The following PIGV variants were observed in gnomAD, a reference collection of about 807,000 sequenced individuals.
The protein encoded by PIGV is GPI alpha-1,6-mannosyltransferase 2.
A neutral mutation model predicts 39.2 loss-of-function variants in PIGV; 27 were observed. The observed-to-expected ratio is 0.69, with a 90% CI of 0.51 to 0.95. The LOEUF (loss-of-function observed/expected upper bound fraction) is 0.95. Among genes scored for constraint, PIGV ranks in the 40% least tolerant of loss-of-function variants. The pLI is 0.00. For synonymous variants in PIGV, 232 were observed against 241.7 expected (o/e 0.96, Z 0.37); for missense variants, 523 against 586.4 (o/e 0.89, Z 1.12).
Position 26,794,321 on chromosome 1 carries a change from T to C in PIGV, c.287T>C (p.Leu96Pro), listed in dbSNP as rs1056953594. The C allele has an allele frequency of 6.2e-7, 1 of 1,614,064 alleles. No individual in the cohort carries two copies. Among genetic ancestry groups the C allele is most frequent in the African/African-American group, 1.3e-5 (1 of 74,942 alleles). The stretch of plus-strand genomic sequence containing the variant: ...TTTCCTGGTTTCCCCTTGGCCCTGC[T>C]GGTGGGGACTGAACTGTTGAGACCC... ...AFFPGFPLAL[L>P]VGTELLRPLR... is the part of the protein sequence containing the mutation. The change falls in exon 3 of 4, where the codon CTG becomes CCG. Residue 96 changes from leucine to proline, a missense_variant. Leu to Pro is a moderately conservative substitution (Grantham distance 98). Transcript: ENST00000674202.
intron 2 of PIGV, 94 bp from the exon 3 acceptor site, chr1:26,794,019 A>C: frequency 8.2e-7 from 1 of 1,215,752 alleles, no homozygotes; most frequent in Admixed American, 1.8e-5. Context: ...TGGGGATTAC[A>C]GGCATGAGCC....
rs2081436328 is a variant in PIGV, at chr1:26,800,425, A to G, written c.*2581A>G. Among the ~76,000 whole-genome samples, 1 of 152,204 alleles carries G rather than the reference A, an allele frequency of 6.6e-6. No individual in the cohort carries two copies. The highest frequency in any genetic ancestry group is 1.5e-5 in the Non-Finnish European group (1 of 68,040). ...TGCTAAAACAGAAACCAGACGCCTC[A>G]GCCTCACGTACCTAGAAGTAGATGC... On this transcript the variant is annotated 3_prime_UTR_variant, in exon 4 of 4. Coordinates refer to ENST00000674202, the MANE Select transcript of PIGV (RefSeq NM_017837.4).
Position 26,797,811 on chromosome 1 carries a change from A to G in PIGV, c.1449A>G (p.Leu483=), listed in dbSNP as rs2081405349. The change falls in exon 4 of 4, where the codon CTA becomes CTG. Residue 483 remains leucine, a synonymous_variant. Coordinates refer to ENST00000674202, the MANE Select transcript of PIGV (RefSeq NM_017837.4). ...GYFLTYWLLG[L]LLHCNFLPWT The stretch of plus-strand genomic sequence containing the variant: ...TCCTGACTTACTGGCTCCTGGGACT[A>G]CTCCTACATTGCAACTTCCTGCCTT... 1.9e-6 allele frequency: 3 copies of G among 1,613,848 alleles called. No individual in the cohort carries two copies. Among genetic ancestry groups the G allele is most frequent in the Non-Finnish European group, 2.5e-6 (3 of 1,180,000 alleles).
In PIGV at chr1:26,800,432, C is replaced by T. The variant is rs1474806928; in HGVS notation, c.*2588C>T. On this transcript the variant is annotated 3_prime_UTR_variant, in exon 4 of 4. Transcript: ENST00000674202. ...ACAGAAACCAGACGCCTCAGCCTCA[C>T]GTACCTAGAAGTAGATGCTTTTTTT... is the stretch of plus-strand genomic sequence containing the variant. Among the ~76,000 whole-genome samples, 1 of 152,166 alleles carries T rather than the reference C, an allele frequency of 6.6e-6. No homozygotes were observed. The highest frequency in any genetic ancestry group is 2.4e-5 in the African/African-American group (1 of 41,426).
intron 2 of PIGV, among the ~76,000 whole-genome samples, chr1:26,791,703 ACT>A (rs1291351349): frequency 1.3e-5 from 2 of 151,976 alleles, no homozygotes; most frequent in Non-Finnish European, 2.9e-5. Flanking sequence ...GGCATGGCAG[ACT>A]CTGCTGGGTT....
In PIGV at chr1:26,794,856, G is replaced by A. The variant is rs2081360233; in HGVS notation, c.822G>A (p.Glu274=). The change falls in exon 3 of 4, where the codon GAG becomes GAA. Residue 274 remains glutamate (E), a synonymous_variant. Coordinates refer to ENST00000674202, the MANE Select transcript of PIGV (RefSeq NM_017837.4). ...CAGGCTCAGCCCGCCCCATTCCTGA[G>A]CCTTTGGTACAGTTAGCTGTAGACA... ...CLPGSARPIP[E]PLVQLAVDKG... 6.2e-7 allele frequency: 1 copy of A among 1,614,046 alleles called. No homozygotes were observed. Among genetic ancestry groups the A allele is most frequent in the Non-Finnish European group, 8.5e-7 (1 of 1,180,030 alleles).
Position 26,794,340 on chromosome 1 carries a change from G to C in PIGV, c.306G>C (p.Leu102Phe). The C allele has an allele frequency of 6.2e-7, 1 of 1,614,062 alleles. No homozygotes were observed. The highest frequency in any genetic ancestry group is 2.2e-5 in the East Asian group (1 of 44,888). ...PLALLVGTEL[L>F]RPLRGLLSLR... is the part of the protein sequence containing the mutation. ...CCCTGCTGGTGGGGACTGAACTGTTGAGACCCTTACGGGGGTTACTGAGTC... is the reference window on the plus strand; with the variant it reads ...CCCTGCTGGTGGGGACTGAACTGTTCAGACCCTTACGGGGGTTACTGAGTC... The change falls in exon 3 of 4, where the codon TTG becomes TTC. Residue 102 changes from leucine to phenylalanine, a missense_variant. Physicochemically the swap from Leu to Phe is conservative, Grantham distance 22. Coordinates refer to ENST00000674202, the MANE Select transcript of PIGV (RefSeq NM_017837.4).
rs1377555874 is a variant in PIGV at position 26,790,812 on chromosome 1, A to G, written c.-4A>G. ...AACACCCCTGAATTCCTGGTGGTGA[A>G]AGGATGTGGCCCCAGGACCCATCCC... On this transcript the variant is annotated 5_prime_UTR_variant, in exon 2 of 4. Coordinates refer to ENST00000674202, the MANE Select transcript of PIGV (RefSeq NM_017837.4). 3.1e-6 allele frequency: 5 copies of G among 1,613,458 alleles called. No individual in the cohort carries two copies. The highest frequency in any genetic ancestry group is 4.2e-6 in the Non-Finnish European group (5 of 1,179,402).
At chr1:26,793,726 C>T (rs909578433) in intron 2 of PIGV, among the ~76,000 whole-genome samples, 3 of 152,178 alleles carry the variant, frequency 2.0e-5, no homozygotes, top group African/African-American at 7.2e-5. Flanking sequence ...CTCAGCCCCC[C>T]CAAGTAGCTG....
intron 3 of PIGV, among the ~76,000 whole-genome samples, chr1:26,796,968 A>G (rs1327551040): frequency 6.6e-6 from 1 of 152,220 alleles, no homozygotes; most frequent in Non-Finnish European, 1.5e-5. Context: ...TTGGAGTTGC[A>G]CATTGGCTGT....
At chr1:26,795,277 A>G in intron 3 of PIGV, 43 bp downstream of exon 3, 1 of 1,610,046 alleles carries the variant, frequency 6.2e-7, no homozygotes, top group African/African-American at 1.3e-5. Context: ...GAATACAGGC[A>G]AAACCCCTTG....
In PIGV at chr1:26,798,465, C is replaced by T. The variant is rs1014717881; in HGVS notation, c.*621C>T. 1 of 154,246 alleles carries T rather than the reference C, an allele frequency of 6.5e-6. No individual in the cohort carries two copies. Among genetic ancestry groups the T allele is most frequent in the East Asian group, 1.9e-4 (1 of 5,222 alleles). 9.6% of individuals were successfully genotyped at this position (154,246 alleles called of 1,614,324 possible). A position where few individuals can be genotyped will look rare whatever the true frequency, so the allele number is the denominator to read the frequency against. ...GACGTTTCACACTGTAATCCCAGCA[C>T]TTTGTGATGCCGAGGTGGGCAGATC... On this transcript the variant is annotated 3_prime_UTR_variant, in exon 4 of 4. Coordinates refer to ENST00000674202, the MANE Select transcript of PIGV (RefSeq NM_017837.4).
At chr1:26,790,657 T>C (rs867921702) in intron 1 of PIGV, 102 bp from the exon 2 acceptor site, 1 of 653,296 alleles carries the variant, frequency 1.5e-6, no homozygotes, top group Non-Finnish European at 2.8e-6. Flanking sequence ...GGTGGTTGGT[T>C]AAGTTTGTCA....
At chr1:26,795,389 G>A (rs1367288393) in intron 3 of PIGV, among the ~76,000 whole-genome samples, 155 bp downstream of exon 3, 1 of 151,992 alleles carries the variant, frequency 6.6e-6, no homozygotes. Flanking sequence ...CCAGACTCTG[G>A]GTCAGACCTC....
Position 26,797,807 on chromosome 1 carries a change from G to C in PIGV, c.1445G>C (p.Gly482Ala), listed in dbSNP as rs1204745319. 9.9e-6 allele frequency: 16 copies of C among 1,614,082 alleles called. No individual in the cohort carries two copies. Among genetic ancestry groups the C allele is most frequent in the African/African-American group, 1.3e-5 (1 of 75,048 alleles). The change falls in exon 4 of 4, where the codon GGA becomes GCA. Residue 482 changes from glycine (G) to alanine (A), a missense_variant. Transcript: ENST00000674202. ...TACTTCCTGACTTACTGGCTCCTGG[G>C]ACTACTCCTACATTGCAACTTCCTG... ...LGYFLTYWLL[G>A]LLLHCNFLPW...
At chr1:26,792,473 G>T (rs935610934) in intron 2 of PIGV, among the ~76,000 whole-genome samples, 2 of 152,036 alleles carry the variant, frequency 1.3e-5, no homozygotes, top group African/African-American at 4.8e-5. Flanking sequence ...GACTACAGGC[G>T]CCCGCCACCG....
At chr1:26,793,971 C>T in intron 2 of PIGV, 142 bp from the exon 3 acceptor site, 1 of 778,778 alleles carries the variant, frequency 1.3e-6, no homozygotes, top group Non-Finnish European at 2.2e-6. Flanking sequence ...TCATGGACTC[C>T]TGGGTTCAAG....
At chr1:26,792,992 C>T (rs969418034) in intron 2 of PIGV, among the ~76,000 whole-genome samples, 5 of 152,158 alleles carry the variant, frequency 3.3e-5, no homozygotes, top group African/African-American at 1.2e-4. Flanking sequence ...TTAGAAGAGA[C>T]CTTCCATATG....
At chr1:26,792,411 T>G (rs2081323335) in intron 2 of PIGV, among the ~76,000 whole-genome samples, 1 of 150,000 alleles carries the variant, frequency 6.7e-6, no homozygotes. Context: ...CACTGCAAGC[T>G]CCGCTTCCCG....
Sources: allele counts gnomAD v4.1 joint callset (sites outside exome capture counted in the v4.1 genomes callset), GRCh38; gene constraint gnomAD v4.1.1; transcripts MANE v1.5; gene names NCBI Gene and HGNC (gene_info 2026-07-23, HGNC 2026-07-21).